DGKB: variants seen among roughly 807,000 people sequenced by gnomAD.
DGKB encodes 90 kDa diacylglycerol kinase.
A neutral mutation model predicts 114.3 loss-of-function variants in DGKB; 67 were observed. That is an observed-to-expected ratio of 0.59 (90% CI 0.48 to 0.72). The LOEUF (loss-of-function observed/expected upper bound fraction) is 0.72. Among genes scored for constraint, DGKB ranks in the 30% least tolerant of loss-of-function variants. The pLI, the probability that DGKB is intolerant of heterozygous loss-of-function variation, is 0.00. For missense variants in DGKB, 907 were observed against 975.2 expected, an observed-to-expected ratio of 0.93 and a Z score of 0.93; for synonymous variants, 398 against 323.1, an observed-to-expected ratio of 1.23 and a Z score of -2.49.
At chr7:14,510,242 T>C (rs1299127465) in intron 20 of DGKB, among the ~76,000 whole-genome samples, 1 of 152,198 alleles carries the variant, frequency 6.6e-6, no homozygotes, top group East Asian at 1.9e-4. Flanking sequence ...TTTGATGCTG[T>C]GTGATAGCAT....
At chr7:14,624,830 G>A (rs1024903345) in intron 14 of DGKB, among the ~76,000 whole-genome samples, 5 of 151,906 alleles carry the variant, frequency 3.3e-5, no homozygotes, top group South Asian at 2.1e-4. Flanking sequence ...AGCCCCTGTC[G>A]CTACTAAAAA....
At chr7:14,596,724 G>A (rs975687970) in intron 17 of DGKB, among the ~76,000 whole-genome samples, 1 of 152,028 alleles carries the variant, frequency 6.6e-6, no homozygotes, top group Non-Finnish European at 1.5e-5. Context: ...GTTTTTTACT[G>A]TTTTATTTTT....
chr7:14,706,309 C>T (rs1388535985), intron 6 of DGKB, among the ~76,000 whole-genome samples: 6 of 141,838 alleles, frequency 4.2e-5, no homozygotes, highest in Non-Finnish European at 9.2e-5. Context: ...CACCCAGATT[C>T]ATAAAGCAAG....
intron 20 of DGKB, among the ~76,000 whole-genome samples, chr7:14,492,847 G>T (rs538565192): frequency 6.6e-6 from 1 of 152,120 alleles, no homozygotes; most frequent in East Asian, 1.9e-4. Flanking sequence ...ACAAAAAAGG[G>T]TTAAACTTTA....
At chr7:14,759,496 T>C (rs1835380926) in intron 2 of DGKB, among the ~76,000 whole-genome samples, 1 of 152,222 alleles carries the variant, frequency 6.6e-6, no homozygotes, top group South Asian at 2.1e-4. Context: ...TTCATGTAAA[T>C]TGAATCATAT....
chr7:14,457,155 A>G (rs1832397287), intron 21 of DGKB, among the ~76,000 whole-genome samples: 1 of 152,188 alleles, frequency 6.6e-6, no homozygotes. Flanking sequence ...ACACAAGTTA[A>G]AAAGTATGCC....
Position 14,418,481 on chromosome 7 carries a change from A to G in DGKB, c.1835+59680T>C, listed in dbSNP as rs907927095. ...TTCCTTCTAATTATAATAATACAGC[A>G]TACAATACAAAGTGAACCATAGTGT... is the stretch of plus-strand genomic sequence containing the variant. On this transcript the variant is annotated intron_variant, in intron 21 of 25. Coordinates refer to ENST00000402815, the MANE Select transcript of DGKB (RefSeq NM_001350709.2). 3.3e-5 allele frequency among the ~76,000 whole-genome samples: 5 copies of G among 150,912 alleles called. No homozygotes were observed. In the Admixed American group the frequency reaches 3.3e-4, roughly 10 times the overall value.
intron 23 of DGKB, among the ~76,000 whole-genome samples, chr7:14,329,026 G>A (rs1361643978): frequency 6.6e-6 from 1 of 151,860 alleles, no homozygotes; most frequent in Admixed American, 6.6e-5. Context: ...GAGATTCTAT[G>A]TATTTCCACA....
At chr7:14,315,597 T>G (rs2128517883) in intron 23 of DGKB, among the ~76,000 whole-genome samples, 1 of 148,092 alleles carries the variant, frequency 6.8e-6, no homozygotes, top group Admixed American at 6.7e-5. Context: ...CCTAAATATA[T>G]ATGCACCCAA....
intron 2 of DGKB, among the ~76,000 whole-genome samples, chr7:14,796,945 A>G (rs1841495669): frequency 6.6e-6 from 1 of 152,166 alleles, no homozygotes; most frequent in African/African-American, 2.4e-5. Context: ...CTTTAAAGGC[A>G]AAATTACTCA....
intron 21 of DGKB, among the ~76,000 whole-genome samples, chr7:14,472,170 C>T (rs1450046049): frequency 6.6e-6 from 1 of 152,120 alleles, no homozygotes; most frequent in Non-Finnish European, 1.5e-5. Flanking sequence ...TTTGTAAGAC[C>T]ACCTGATACG....
chr7:14,894,015 A>G (rs552153193), intron 1 of DGKB, among the ~76,000 whole-genome samples: 7 of 151,398 alleles, frequency 4.6e-5, no homozygotes, highest in Middle Eastern at 3.4e-3. Context: ...TTAAGTGAAC[A>G]TTTAAATGCC....
At chr7:14,712,307 A>G (rs949258291) in intron 6 of DGKB, among the ~76,000 whole-genome samples, 2 of 152,218 alleles carry the variant, frequency 1.3e-5, no homozygotes, top group African/African-American at 4.8e-5. Context: ...TTCTAGAAAG[A>G]GAACAACTAA....
chr7:14,801,917 T>C (rs1427367997), intron 2 of DGKB, among the ~76,000 whole-genome samples: 6 of 128,528 alleles, frequency 4.7e-5, no homozygotes, highest in Middle Eastern at 3.8e-3. Flanking sequence ...TACACACATA[T>C]ATACATATAC....
intron 1 of DGKB, among the ~76,000 whole-genome samples, chr7:14,843,070 G>A (rs1467883294): frequency 6.6e-6 from 1 of 151,894 alleles, no homozygotes; most frequent in Non-Finnish European, 1.5e-5. Context: ...TGGATGTAGT[G>A]GTGCACATCT....
At chr7:14,384,360 G>GT (rs1330652066) in intron 21 of DGKB, among the ~76,000 whole-genome samples, 4 of 152,104 alleles carry the variant, frequency 2.6e-5, no homozygotes, top group South Asian at 2.1e-4. Flanking sequence ...TGTAAATAAA[G>GT]TTTTTTTGAA....
At chr7:14,285,129 C>T (rs1008722176) in intron 23 of DGKB, among the ~76,000 whole-genome samples, 20 of 152,130 alleles carry the variant, frequency 1.3e-4, no homozygotes, top group Non-Finnish European at 2.8e-4. Context: ...TATTTCTTTA[C>T]ATTGAATCAA....
intron 21 of DGKB, among the ~76,000 whole-genome samples, chr7:14,409,424 G>GAATTGTTTGATATGTACCGTAGATT (rs1583716004): frequency 5.3e-5 from 4 of 74,908 alleles, no homozygotes; most frequent in Admixed American, 1.1e-4. Context: ...AGAAAAAGTT[G>GAATTGTTTGATATGTACCGTAGATT]AGGCCGGGCG....
At chr7:14,905,307 C>A (rs113885794), upstream of DGKB, among the ~76,000 whole-genome samples, 2 of 149,548 alleles carry the variant, frequency 1.3e-5, no homozygotes, top group East Asian at 3.9e-4. Context: ...GAAAAAACCA[C>A]TCTCTTAAAA....
Sources: gnomAD v4.1 joint callset for allele counts (sites outside exome capture counted in the v4.1 genomes callset) on GRCh38, gnomAD v4.1.1 for gene constraint, MANE v1.5 for transcripts, NCBI Gene and HGNC (gene_info 2026-07-23, HGNC 2026-07-21) for gene names.